The following C8orf34 variants were observed in gnomAD, a reference collection of about 807,000 sequenced individuals.
C8orf34 encodes uncharacterized protein C8orf34.
In C8orf34, 65 loss-of-function variants were observed where a neutral mutation model predicts 68.3. That is an observed-to-expected ratio of 0.95 (90% CI 0.78 to 1.17). C8orf34 has a LOEUF of 1.17. Among genes scored for constraint, C8orf34 ranks in the 50% most tolerant of loss-of-function variants. C8orf34 has a pLI of 0.00. For missense variants in C8orf34, 664 were observed against 655.4 expected, an observed-to-expected ratio of 1.01 and a Z score of -0.14; for synonymous variants, 244 against 241.2, an observed-to-expected ratio of 1.01 and a Z score of -0.11.
chr8:68,452,218 GATA>G (rs1713784087), intron 3 of C8orf34, among the ~76,000 whole-genome samples: 1 of 149,950 alleles, frequency 6.7e-6, no homozygotes, highest in Admixed American at 6.7e-5. Flanking sequence ...TCATTATTTG[GATA>G]ATAATTGATA....
chr8:68,353,086 G>C (rs937461232), intron 1 of C8orf34, among the ~76,000 whole-genome samples: 5 of 152,050 alleles, frequency 3.3e-5, no homozygotes, highest in African/African-American at 1.2e-4. Flanking sequence ...GTTTAAAATA[G>C]AGTAGGGAAA....
intron 7 of C8orf34, among the ~76,000 whole-genome samples, chr8:68,627,625 G>A (rs115919674): frequency 0.013 from 1,964 of 152,314 alleles, 39 homozygotes; most frequent in African/African-American, 0.044. Flanking sequence ...CTCTGATGCA[G>A]AAACCCAGTT....
At chr8:68,598,150 T>A (rs1245672578) in intron 7 of C8orf34, among the ~76,000 whole-genome samples, 1 of 152,126 alleles carries the variant, frequency 6.6e-6, no homozygotes, top group Non-Finnish European at 1.5e-5. Flanking sequence ...GCCTTACTAG[T>A]GACAATCAAG....
chr8:68,807,433 T>C lies in C8orf34; in HGVS notation c.1550-8453T>C, dbSNP rs192477653. ...GTTTCCCTCTTTAAATGCTATCAAA[T>C]CTGCTGTTTAATATATACATTGACT... is the stretch of plus-strand genomic sequence containing the variant. On this transcript the variant is annotated intron_variant, in intron 12 of 13. Coordinates refer to ENST00000518698, the MANE Select transcript of C8orf34 (RefSeq NM_052958.4). 1.6e-3 allele frequency among the ~76,000 whole-genome samples: 251 copies of C among 152,346 alleles called. 5 individuals carry two copies. Among genetic ancestry groups the C allele is most frequent in the Non-Finnish European group, 7.3e-5 (5 of 68,030 alleles).
chr8:68,455,580 A>T (rs1466398935), intron 3 of C8orf34, among the ~76,000 whole-genome samples: 3 of 152,172 alleles, frequency 2.0e-5, no homozygotes, highest in African/African-American at 7.2e-5. Context: ...TAATATTTGC[A>T]TGGAATATCT....
At chr8:68,580,388 G>A (rs1817028268) in intron 7 of C8orf34, among the ~76,000 whole-genome samples, 1 of 152,066 alleles carries the variant, frequency 6.6e-6, no homozygotes, top group South Asian at 2.1e-4. Context: ...TGTGTTAGTA[G>A]TTATAGTTGT....
chr8:68,798,416 A>C (rs1824241124), intron 12 of C8orf34, among the ~76,000 whole-genome samples: 1 of 151,026 alleles, frequency 6.6e-6, no homozygotes, highest in African/African-American at 2.4e-5. Context: ...TTAATCCTAC[A>C]TCTTCATTTT....
chr8:68,783,192 G>A (rs910408947), intron 11 of C8orf34, among the ~76,000 whole-genome samples: 1 of 152,140 alleles, frequency 6.6e-6, no homozygotes, highest in African/African-American at 2.4e-5. Flanking sequence ...GCTGGGGACT[G>A]CTGAAGGCAA....
At chr8:68,600,661 G>A (rs1016594929) in intron 7 of C8orf34, among the ~76,000 whole-genome samples, 5 of 152,028 alleles carry the variant, frequency 3.3e-5, no homozygotes, top group African/African-American at 1.2e-4. Flanking sequence ...CATATTTATG[G>A]GGTATATGTG....
At chr8:68,466,738 C>CATATAT (rs35661495) in intron 3 of C8orf34, among the ~76,000 whole-genome samples, 2,566 of 120,454 alleles carry the variant, frequency 0.021, 168 homozygotes, top group African/African-American at 0.061. Flanking sequence ...CAACGTTGTA[C>CATATAT]ATATATATAT....
intron 12 of C8orf34, among the ~76,000 whole-genome samples, chr8:68,800,140 G>A (rs748421168): frequency 8.5e-5 from 13 of 152,136 alleles, no homozygotes; most frequent in Non-Finnish European, 1.8e-4. Context: ...GTAGATAGCA[G>A]GAAAACCTTT....
chr8:68,561,304 T>C (rs1816417995), intron 7 of C8orf34, among the ~76,000 whole-genome samples: 1 of 152,052 alleles, frequency 6.6e-6, no homozygotes, highest in South Asian at 2.1e-4. Flanking sequence ...TTTTGTTAAC[T>C]CTTTGACTCT....
At chr8:68,790,416 G>A (rs1426474663) in intron 12 of C8orf34, among the ~76,000 whole-genome samples, 1 of 152,068 alleles carries the variant, frequency 6.6e-6, no homozygotes, top group Non-Finnish European at 1.5e-5. Context: ...TAATTTTATG[G>A]GATTGTCTAA....
chr8:68,413,779 GTTCTTCC>G (rs1250790201), intron 1 of C8orf34, among the ~76,000 whole-genome samples: 1 of 152,202 alleles, frequency 6.6e-6, no homozygotes. Flanking sequence ...TTTCTGAAGA[GTTCTTCC>G]TTCTTCCTCT....
At chr8:68,696,328 A>G (rs1356596694) in intron 8 of C8orf34, among the ~76,000 whole-genome samples, 1 of 148,390 alleles carries the variant, frequency 6.7e-6, no homozygotes, top group Admixed American at 6.8e-5. Flanking sequence ...ATCAAAACAC[A>G]TAATAGATTA....
intron 2 of C8orf34, among the ~76,000 whole-genome samples, chr8:68,444,497 T>C (rs1268304905): frequency 6.6e-6 from 1 of 152,150 alleles, no homozygotes; most frequent in Non-Finnish European, 1.5e-5. Context: ...TTTTCTCTTT[T>C]TATTCAAACT....
At chr8:68,631,605 T>C (rs911232884) in intron 7 of C8orf34, among the ~76,000 whole-genome samples, 1 of 152,156 alleles carries the variant, frequency 6.6e-6, no homozygotes, top group African/African-American at 2.4e-5. Flanking sequence ...CTATTGATAT[T>C]GTTTGGCTCT....
At chr8:68,751,615 C>A (rs1350764676) in intron 10 of C8orf34, among the ~76,000 whole-genome samples, 1 of 152,010 alleles carries the variant, frequency 6.6e-6, no homozygotes, top group Non-Finnish European at 1.5e-5. Context: ...TTACAGTCAG[C>A]CTCTTATGCT....
chr8:68,331,366 C>T (rs947036363), intron 1 of C8orf34, 27 bp downstream of exon 1: 35 of 1,532,486 alleles, frequency 2.3e-5, no homozygotes, highest in Non-Finnish European at 3.0e-5. Flanking sequence ...GAGGGCAGTC[C>T]CGTTGTCTTT....
Sources: gnomAD v4.1 joint callset for allele counts (sites outside exome capture counted in the v4.1 genomes callset) on GRCh38, gnomAD v4.1.1 for gene constraint, MANE v1.5 for transcripts, NCBI Gene and HGNC (gene_info 2026-07-23, HGNC 2026-07-21) for gene names.